NALCN: variants seen among roughly 807,000 people sequenced by gnomAD.
The protein encoded by NALCN is sodium leak channel NALCN.
A neutral mutation model predicts 225.3 loss-of-function variants in NALCN; 111 were observed. That is an observed-to-expected ratio of 0.49 (90% CI 0.42 to 0.58). NALCN has a LOEUF of 0.58. NALCN is among the 20% of genes least tolerant of loss of function. NALCN has a pLI of 0.00. For synonymous variants in NALCN, 764 were observed against 769.0 expected, an observed-to-expected ratio of 0.99 and a Z score of 0.11; for missense variants, 1,378 against 2,202.4, an observed-to-expected ratio of 0.63 and a Z score of 7.49.
chr13:101,159,898 C>T (rs2038077469), intron 15 of NALCN, among the ~76,000 whole-genome samples: 1 of 152,132 alleles, frequency 6.6e-6, no homozygotes, highest in Admixed American at 6.5e-5. Context: ...TCCAAAATCA[C>T]ATCTCTTTGT....
intron 13 of NALCN, among the ~76,000 whole-genome samples, chr13:101,215,604 A>T (rs2040698703): frequency 6.6e-6 from 1 of 152,112 alleles, no homozygotes; most frequent in Non-Finnish European, 1.5e-5. Context: ...TTAGGGTTGC[A>T]GGACTGAGAG....
chr13:101,214,952 G>A (rs1037211549), intron 13 of NALCN, among the ~76,000 whole-genome samples: 1 of 152,108 alleles, frequency 6.6e-6, no homozygotes, highest in Non-Finnish European at 1.5e-5. Flanking sequence ...TGCAGAACTA[G>A]GGGGCATGAA....
intron 17 of NALCN, among the ~76,000 whole-genome samples, chr13:101,127,545 A>C (rs546334358): frequency 6.6e-6 from 1 of 152,150 alleles, no homozygotes. Flanking sequence ...TTTAGTAGAG[A>C]CGAGGTTTCA....
chr13:101,343,157 C>A (rs1422725318), intron 7 of NALCN, among the ~76,000 whole-genome samples: 1 of 151,744 alleles, frequency 6.6e-6, no homozygotes, highest in Admixed American at 6.6e-5. Context: ...CTTTTGTTTC[C>A]ATAAGAACTT....
At chr13:101,306,589 G>T (rs566884790) in intron 7 of NALCN, among the ~76,000 whole-genome samples, 1 of 152,128 alleles carries the variant, frequency 6.6e-6, no homozygotes, top group Non-Finnish European at 1.5e-5. Flanking sequence ...TGTTCACATG[G>T]CATTTGCAGG....
intron 7 of NALCN, among the ~76,000 whole-genome samples, chr13:101,300,034 C>T (rs554240543): frequency 1.1e-4 from 16 of 150,882 alleles, no homozygotes; most frequent in Admixed American, 2.6e-4. Flanking sequence ...AAAAAAAAAG[C>T]AGCAGCGAGG....
intron 7 of NALCN, among the ~76,000 whole-genome samples, chr13:101,323,487 C>A: frequency 6.6e-6 from 1 of 152,154 alleles, no homozygotes; most frequent in East Asian, 1.9e-4. Flanking sequence ...TCCACAGGTC[C>A]CCTGCTATAA....
intron 15 of NALCN, among the ~76,000 whole-genome samples, chr13:101,154,650 C>T (rs180718338): frequency 6.6e-6 from 1 of 152,228 alleles, no homozygotes; most frequent in African/African-American, 2.4e-5. Context: ...AAATTGTGCA[C>T]ACAATACAAT....
At chr13:101,319,813 T>C (rs1008920508) in intron 7 of NALCN, among the ~76,000 whole-genome samples, 2 of 134,068 alleles carry the variant, frequency 1.5e-5, no homozygotes, top group Non-Finnish European at 3.4e-5. Flanking sequence ...TATCAAATTA[T>C]CATTTTACTT....
At chr13:101,344,177 CTG>C (rs1190947288) in intron 7 of NALCN, among the ~76,000 whole-genome samples, 1 of 152,164 alleles carries the variant, frequency 6.6e-6, no homozygotes, top group Non-Finnish European at 1.5e-5. Flanking sequence ...CATGATGCCT[CTG>C]TACTTTTGAG....
intron 1 of NALCN, among the ~76,000 whole-genome samples, chr13:101,411,136 A>G (rs1211577356): frequency 6.6e-6 from 1 of 152,166 alleles, no homozygotes; most frequent in African/African-American, 2.4e-5. Flanking sequence ...AGTTTTTGCT[A>G]TCAGATTTAG....
Position 101,089,959 on chromosome 13 carries a change from G to A in NALCN, c.3277C>T (p.Pro1093Ser). 6.2e-7 allele frequency: 1 copy of A among 1,613,822 alleles called. No individual in the cohort carries two copies. The highest frequency in any genetic ancestry group is 8.5e-7 in the Non-Finnish European group (1 of 1,179,854). ...ACATTGTCGAAATTAAAGTTCCGAG[G>A]ATTCGCCCTGCGATTCCAATACAGG... ...GFWVPRVWAN[P>S]RNFNFDNVGN... Residue 1093 changes from proline to serine, a missense_variant, in exon 29 of 44, where the codon CCT becomes TCT. By Grantham distance (74) the Pro-to-Ser change is moderately conservative. Around this residue, in one of 19 missense-constraint regions of NALCN, gnomAD observed 292 missense variants for 409.5 expected, o/e 0.71. Transcript: ENST00000251127. This position sits in a 1 kb window ranked among gnomAD's most constrained non-coding sequence, Gnocchi z 4.7.
chr13:101,067,303 AGGGGGAAGAGGAG>A (rs1383150299), intron 39 of NALCN, among the ~76,000 whole-genome samples: 1 of 49,018 alleles, frequency 2.0e-5, no homozygotes, highest in Non-Finnish European at 3.4e-5. Flanking sequence ...GGGGAAGAGG[AGGGGGAAGAGGAG>A]GGGGAAGAGG....
intron 17 of NALCN, among the ~76,000 whole-genome samples, chr13:101,131,551 T>C (rs936028280): frequency 6.6e-6 from 1 of 152,208 alleles, no homozygotes; most frequent in Admixed American, 6.5e-5. Flanking sequence ...GATCTGCTTT[T>C]ATCCTTATCA....
At chr13:101,378,231 A>G (rs2046748773) in intron 4 of NALCN, among the ~76,000 whole-genome samples, 1 of 152,156 alleles carries the variant, frequency 6.6e-6, no homozygotes, top group Non-Finnish European at 1.5e-5. Flanking sequence ...TTAAGATATT[A>G]CAGCTATTGA....
chr13:101,203,329 C>T (rs1481229601), intron 13 of NALCN, among the ~76,000 whole-genome samples: 1 of 152,164 alleles, frequency 6.6e-6, no homozygotes, highest in Non-Finnish European at 1.5e-5. Context: ...GATTCTCCTG[C>T]CTCAGTCTCC....
intron 34 of NALCN, among the ~76,000 whole-genome samples, chr13:101,076,899 G>A (rs529469468): frequency 3.3e-5 from 5 of 152,242 alleles, no homozygotes; most frequent in East Asian, 1.9e-4. Context: ...GTTGCATTTC[G>A]ATATGGTTTG....
intron 7 of NALCN, among the ~76,000 whole-genome samples, chr13:101,331,761 TA>T (rs2139237005): frequency 6.6e-6 from 1 of 152,226 alleles, no homozygotes; most frequent in Admixed American, 6.5e-5. Flanking sequence ...CTTACCATAC[TA>T]AATGCCCTGC....
intron 14 of NALCN, among the ~76,000 whole-genome samples, chr13:101,182,059 G>A (rs182819985): frequency 0.019 from 2,797 of 149,406 alleles, 82 homozygotes; most frequent in African/African-American, 0.058. Flanking sequence ...GCGTGAACCC[G>A]GGAGGCGGAG....
Sources: gnomAD v4.1 joint callset for allele counts (sites outside exome capture counted in the v4.1 genomes callset) on GRCh38, gnomAD v4.1.1 for gene constraint, gnomAD v4.1.1 regional missense constraint, Gnocchi (gnomAD v3.1) non-coding constraint, MANE v1.5 for transcripts, NCBI Gene and HGNC (gene_info 2026-07-23, HGNC 2026-07-21) for gene names.